KCNG2: variants seen among roughly 807,000 people sequenced by gnomAD.
KCNG2 encodes potassium voltage-gated channel modifier subfamily G member 2.
In KCNG2, 7 loss-of-function variants were observed where a neutral mutation model predicts 12.3. The ratio of observed to expected loss-of-function variants is 0.57; its 90% CI spans 0.32 to 1.07. KCNG2 has a LOEUF of 1.07. Ranked by LOEUF, KCNG2 falls within the 50% of genes least tolerant of loss-of-function variation. The pLI is 0.04. For synonymous variants in KCNG2, 414 were observed against 351.4 expected, an observed-to-expected ratio of 1.18 and a Z score of -1.99; for missense variants, 703 against 726.0, an observed-to-expected ratio of 0.97 and a Z score of 0.36.
At chr18:79,834,210 A>C (rs1655535403) in intron 1 of KCNG2, among the ~76,000 whole-genome samples, 1 of 152,228 alleles carries the variant, frequency 6.6e-6, no homozygotes, top group Admixed American at 6.5e-5. Flanking sequence ...CAGAACCCTG[A>C]TAAAGACCCG....
Position 79,863,976 on chromosome 18 carries a change from C to T in KCNG2, c.309C>T (p.Asp103=). 2 of 1,251,140 alleles carry T rather than the reference C, an allele frequency of 1.6e-6. No homozygotes were observed. Among genetic ancestry groups the T allele is most frequent in the Middle Eastern group, 2.3e-4 (1 of 4,332 alleles). The allele number at this position is 1,251,140 out of a possible 1,614,324, so 77.5% of individuals were successfully genotyped here. A position where few individuals can be genotyped will look rare whatever the true frequency, so the allele number is the denominator to read the frequency against. Reference sequence around the variant, plus strand: ...GCCCGTGCGCGCTGGCCTTCCGCGACGAGCTGGCCTACTGGGGCATCGACG... The same window carrying T: ...GCCCGTGCGCGCTGGCCTTCCGCGATGAGCTGGCCTACTGGGGCATCGACG... ...LRGPCALAFR[D]ELAYWGIDEA... is the part of the protein sequence containing the mutation. Residue 103 remains aspartate, a synonymous_variant, in exon 3 of 4, where the codon GAC becomes GAT. Coordinates refer to ENST00000316249, the MANE Select transcript of KCNG2 (RefSeq NM_012283.2).
At chr18:79,861,523 C>T (rs1979221874) in intron 2 of KCNG2, among the ~76,000 whole-genome samples, 1 of 152,192 alleles carries the variant, frequency 6.6e-6, no homozygotes, top group African/African-American at 2.4e-5. Flanking sequence ...AGAGGATCCA[C>T]CTGCCTCGGC....
At chr18:79,869,507 C>T (rs1446039281) in intron 3 of KCNG2, among the ~76,000 whole-genome samples, 3 of 152,076 alleles carry the variant, frequency 2.0e-5, no homozygotes, top group Non-Finnish European at 2.9e-5. Context: ...TGTGCTGGGA[C>T]GGCCCTGGGG....
At chr18:79,819,601 G>A (rs2087556029) in intron 1 of KCNG2, among the ~76,000 whole-genome samples, 1 of 152,224 alleles carries the variant, frequency 6.6e-6, no homozygotes, top group Non-Finnish European at 1.5e-5. Context: ...CTACAGGTGA[G>A]CTGAGCGCTC....
At chr18:79,865,507 AGAGGTCTGGGTGCT>A (rs1243648463) in intron 3 of KCNG2, among the ~76,000 whole-genome samples, 3 of 54,682 alleles carry the variant, frequency 5.5e-5, no homozygotes, top group South Asian at 1.0e-3. Flanking sequence ...CTGAGTGCTG[AGAGGTCTGGGTGCT>A]GAGGTCTGTG....
intron 1 of KCNG2, among the ~76,000 whole-genome samples, chr18:79,816,832 G>T (rs1295539816): frequency 1.3e-5 from 2 of 152,222 alleles, no homozygotes; most frequent in African/African-American, 4.8e-5. Context: ...GACACAACAG[G>T]TCACAAATCC....
At chr18:79,858,902 C>T (rs1470641953) in intron 2 of KCNG2, among the ~76,000 whole-genome samples, 1 of 152,200 alleles carries the variant, frequency 6.6e-6, no homozygotes, top group African/African-American at 2.4e-5. Context: ...ATCCTCTGCC[C>T]ATGTTTAAAT....
chr18:79,897,630 C>T (rs757629663), intron 3 of KCNG2, among the ~76,000 whole-genome samples: 21 of 152,196 alleles, frequency 1.4e-4, no homozygotes, highest in Admixed American at 3.9e-4. Flanking sequence ...TCTTCCTTCC[C>T]TCCTCCTCCT....
intron 1 of KCNG2, among the ~76,000 whole-genome samples, chr18:79,818,939 A>G (rs2087550174): frequency 6.6e-6 from 1 of 152,220 alleles, no homozygotes; most frequent in Admixed American, 6.5e-5. Flanking sequence ...AGATGCGGCC[A>G]TTGGTGACTA....
At chr18:79,854,245 C>T (rs1393531379) in intron 1 of KCNG2, among the ~76,000 whole-genome samples, 3 of 152,222 alleles carry the variant, frequency 2.0e-5, no homozygotes, top group African/African-American at 7.2e-5. Flanking sequence ...CACCAGAGCC[C>T]CCAGCCCCTG....
chr18:79,872,279 A>ATTTTTTTTTTTTTTTT (rs1568265416), intron 3 of KCNG2, among the ~76,000 whole-genome samples: 2 of 48,128 alleles, frequency 4.2e-5, no homozygotes, highest in African/African-American at 9.4e-5. Flanking sequence ...TCAAAGCTTC[A>ATTTTTTTTTTTTTTTT]GTTTTTTTTT....
At chr18:79,892,421 G>A (rs1330656822) in intron 3 of KCNG2, among the ~76,000 whole-genome samples, 1 of 152,138 alleles carries the variant, frequency 6.6e-6, no homozygotes, top group Non-Finnish European at 1.5e-5. Flanking sequence ...ATCTATTTCT[G>A]TATTTGAATC....
chr18:79,895,069 A>G (rs1980912335), intron 3 of KCNG2, among the ~76,000 whole-genome samples: 1 of 150,016 alleles, frequency 6.7e-6, no homozygotes, highest in African/African-American at 2.5e-5. Flanking sequence ...CACACCATTC[A>G]TAATGATTGA....
chr18:79,881,902 C>G (rs11662267), intron 3 of KCNG2, among the ~76,000 whole-genome samples: 45,250 of 152,086 alleles, frequency 0.3, 7,818 homozygotes, highest in South Asian at 0.53. Context: ...GGAATAGAAC[C>G]ACATGAATGG....
At chr18:79,798,097 G>A (rs1173849006) in intron 1 of KCNG2, among the ~76,000 whole-genome samples, 83 bp downstream of exon 1, 3 of 151,644 alleles carry the variant, frequency 2.0e-5, no homozygotes, top group Non-Finnish European at 2.9e-5. Context: ...GGGGCGGGGG[G>A]CGCGGGCTCC....
intron 3 of KCNG2, among the ~76,000 whole-genome samples, chr18:79,895,027 TTAGG>T (rs1479909650): frequency 6.6e-6 from 1 of 152,038 alleles, no homozygotes; most frequent in Admixed American, 6.6e-5. Context: ...ATTGATATAG[TTAGG>T]TCTCTGTCTG....
At chr18:79,804,603 G>A (rs1282477676) in intron 1 of KCNG2, among the ~76,000 whole-genome samples, 1 of 152,242 alleles carries the variant, frequency 6.6e-6, no homozygotes, top group Non-Finnish European at 1.5e-5. Flanking sequence ...CTTCAGTCAA[G>A]TCTGGGCTGA....
At position 79,800,738 on chromosome 18, in the gene KCNG2, G is replaced by A. The variant is rs970588688; in HGVS notation, c.-115+2724G>A. On this transcript the variant is annotated intron_variant, in intron 1 of 3. Coordinates refer to ENST00000316249, the MANE Select transcript of KCNG2 (RefSeq NM_012283.2). The surrounding 1 kb of genome is among the most constrained non-coding windows in gnomAD (Gnocchi z 4.0). The stretch of plus-strand genomic sequence containing the variant: ...TGGGCTGGTGCCTATGGTTGCAGTC[G>A]GCCTGGCGTGTCCTGCGGGCACCCG... 2.0e-5 allele frequency among the ~76,000 whole-genome samples: 3 copies of A among 152,310 alleles called. No individual in the cohort carries two copies. Among genetic ancestry groups the A allele is most frequent in the Admixed American group, 6.5e-5 (1 of 15,308 alleles).
chr18:79,899,334 G>A lies in KCNG2; in HGVS notation c.919G>A (p.Gly307Arg), dbSNP rs377582206. 2 of 1,552,986 alleles carry A rather than the reference G, an allele frequency of 1.3e-6. No homozygotes were observed. Among genetic ancestry groups the A allele is most frequent in the Non-Finnish European group, 1.7e-6 (2 of 1,158,258 alleles). ...YVMRLARHSLGLRSLGLTMRR... is the reference protein window; with the variant it reads ...YVMRLARHSLRLRSLGLTMRR... ...GATGCGCCTGGCGCGCCACTCGCTG[G>A]GGCTGCGTTCGCTGGGCCTGACCAT... The change falls in exon 4 of 4, where the codon GGG (glycine) becomes AGG (arginine). Residue 307 changes from glycine (G) to arginine (R), a missense_variant. Coordinates refer to ENST00000316249, the MANE Select transcript of KCNG2 (RefSeq NM_012283.2).
Sources: gnomAD v4.1 joint callset for allele counts (sites outside exome capture counted in the v4.1 genomes callset) on GRCh38, gnomAD v4.1.1 for gene constraint, Gnocchi (gnomAD v3.1) non-coding constraint, MANE v1.5 for transcripts, NCBI Gene and HGNC (gene_info 2026-07-23, HGNC 2026-07-21) for gene names.